MCF2L2: variants seen among roughly 807,000 people sequenced by gnomAD.
MCF2L2 encodes MCF.2 cell line derived transforming sequence-like 2.
In MCF2L2, 102 loss-of-function variants were observed where a neutral mutation model predicts 150.2. That is an observed-to-expected ratio of 0.68 (90% confidence interval 0.58 to 0.80). The LOEUF (loss-of-function observed/expected upper bound fraction) is 0.80. MCF2L2 is among the 30% of genes least tolerant of loss of function. MCF2L2 has a pLI of 0.00. For missense variants in MCF2L2, 1,256 were observed against 1,372.8 expected (o/e 0.91, Z 1.34); for synonymous variants, 465 against 491.3 (o/e 0.95, Z 0.71).
At chr3:183,240,352 C>T (rs1723963506) in intron 15 of MCF2L2, among the ~76,000 whole-genome samples, 1 of 152,186 alleles carries the variant, frequency 6.6e-6, no homozygotes, top group Non-Finnish European at 1.5e-5. Context: ...GCCTCAGCCT[C>T]CCCAGTAGCT....
chr3:183,336,050 C>T (rs1730465173), intron 5 of MCF2L2, among the ~76,000 whole-genome samples: 1 of 152,192 alleles, frequency 6.6e-6, no homozygotes, highest in Non-Finnish European at 1.5e-5. Flanking sequence ...TGATTGTGGA[C>T]TTCCCAACCT....
At chr3:183,419,733 C>T (rs1715781131) in intron 1 of MCF2L2, among the ~76,000 whole-genome samples, 2 of 152,112 alleles carry the variant, frequency 1.3e-5, no homozygotes, top group African/African-American at 4.8e-5. Flanking sequence ...ATTAGCCAGC[C>T]ATGGTGGCAT....
chr3:183,358,706 G>A (rs545929137), intron 3 of MCF2L2, among the ~76,000 whole-genome samples: 3 of 152,152 alleles, frequency 2.0e-5, no homozygotes, highest in East Asian at 1.9e-4. Flanking sequence ...CTGCAACCTC[G>A]AACTCCAGGG....
intron 14 of MCF2L2, among the ~76,000 whole-genome samples, chr3:183,278,764 A>C (rs754680158): frequency 1.3e-5 from 2 of 152,234 alleles, no homozygotes; most frequent in African/African-American, 4.8e-5. Flanking sequence ...GTCTTATTTC[A>C]TAATAACCTA....
intron 15 of MCF2L2, among the ~76,000 whole-genome samples, chr3:183,246,139 C>T (rs1242558827): frequency 6.6e-6 from 1 of 152,110 alleles, no homozygotes; most frequent in African/African-American, 2.4e-5. Flanking sequence ...GTTAATAATG[C>T]TTGCATTTGT....
rs1436282384 is a variant in MCF2L2, at chr3:183,216,124, C to A, written c.2371-30G>T. On this transcript the variant is annotated intron_variant, in intron 21 of 29. Transcript: ENST00000328913. Reference sequence around the variant, plus strand: ...GGAAAACAAATGCCTTGTTGGAAATCAAAAGTATACCATCTGCAAAGTGAA... The same window carrying A: ...GGAAAACAAATGCCTTGTTGGAAATAAAAAGTATACCATCTGCAAAGTGAA... The A allele has an allele frequency of 1.9e-6, 3 of 1,608,690 alleles. No homozygotes were observed. The African/African-American group carries it at 4.0e-5, about 22-fold the overall frequency.
At chr3:183,183,763 T>C (rs1721605172) in intron 27 of MCF2L2, among the ~76,000 whole-genome samples, 1 of 152,174 alleles carries the variant, frequency 6.6e-6, no homozygotes, top group Non-Finnish European at 1.5e-5. Context: ...ACAATAATAC[T>C]AAAGAGAGGG....
chr3:183,397,806 T>C (rs1433735581), intron 1 of MCF2L2, among the ~76,000 whole-genome samples: 1 of 152,180 alleles, frequency 6.6e-6, no homozygotes, highest in African/African-American at 2.4e-5. Context: ...TTAACACAAG[T>C]ACAAAATAAA....
chr3:183,221,241 C>T (rs534961206), intron 20 of MCF2L2, among the ~76,000 whole-genome samples: 5 of 152,282 alleles, frequency 3.3e-5, no homozygotes, highest in Admixed American at 2.6e-4. Context: ...ACAGACCCCC[C>T]GCAAAATATT....
chr3:183,272,442 AAG>A, intron 15 of MCF2L2: 1 of 1,000,222 alleles, frequency 1.0e-6, no homozygotes, highest in Non-Finnish European at 1.2e-6. Context: ...AAAACGAAAA[AAG>A]ATTTCTCAGT....
chr3:183,427,966 G>T lies in MCF2L2; in HGVS notation c.12C>A (p.Cys4Ter), dbSNP rs767891533. 27 of 1,613,400 alleles carry T rather than the reference G, an allele frequency of 1.7e-5. No individual in the cohort carries two copies. In the South Asian group the frequency reaches 2.6e-4, roughly 16 times the overall value. The change falls in exon 1 of 30, where the codon TGC (cysteine) becomes TGA (stop). Residue 4 changes from cysteine (C) to a stop codon, truncating the protein, a stop_gained. Transcript: ENST00000328913. LOFTEE classifies it high-confidence loss of function. MLS[C>*]LKEEMPPQEL... ...CCTGGGGAGGCATCTCTTCTTTTAA[G>T]CAAGACAGCATTTCACTGAAAAACC...
At chr3:183,264,509 T>A (rs575859491) in intron 15 of MCF2L2, among the ~76,000 whole-genome samples, 1 of 152,354 alleles carries the variant, frequency 6.6e-6, no homozygotes, top group Non-Finnish European at 1.5e-5. Context: ...TGTAAAATAC[T>A]TCTTCATGAT....
At chr3:183,331,414 C>G (rs1402229140) in intron 5 of MCF2L2, among the ~76,000 whole-genome samples, 1 of 152,210 alleles carries the variant, frequency 6.6e-6, no homozygotes, top group Non-Finnish European at 1.5e-5. Flanking sequence ...GCCCCACCAA[C>G]TTTACCATAC....
chr3:183,321,877 T>C (rs1729827767), intron 6 of MCF2L2, among the ~76,000 whole-genome samples: 1 of 152,236 alleles, frequency 6.6e-6, no homozygotes, highest in South Asian at 2.1e-4. Flanking sequence ...CAGAAATTGA[T>C]TTCTCACAGT....
At chr3:183,201,242 T>C (rs1722269784) in intron 25 of MCF2L2, among the ~76,000 whole-genome samples, 1 of 152,240 alleles carries the variant, frequency 6.6e-6, no homozygotes, top group Non-Finnish European at 1.5e-5. Context: ...ACGATATTGA[T>C]TCTTCCTATC....
rs60835895 is a variant in MCF2L2, at chr3:183,269,230, C to CTTTTTTTTTTTTTTTTTTTTTTTTT, written c.1862+7641_1862+7642insAAAAAAAAAAAAAAAAAAAAAAAAA. Reference sequence around the variant, plus strand: ...TACACGATTATAGCCGTTTGGGAAGCTTTTTTTTTTTTTTTTTTAAGAGTA... The same window carrying CTTTTTTTTTTTTTTTTTTTTTTTTT: ...TACACGATTATAGCCGTTTGGGAAGCTTTTTTTTTTTTTTTTTTTTTTTTTTTTTTTTTTTTTTTTTTTAAGAGTA... On this transcript the variant is annotated intron_variant, in intron 15 of 29. Coordinates refer to ENST00000328913, the MANE Select transcript of MCF2L2 (RefSeq NM_015078.4). Among the ~76,000 whole-genome samples the CTTTTTTTTTTTTTTTTTTTTTTTTT allele has an allele frequency of 9.8e-4, 79 of 80,988 alleles. 14 individuals are homozygous for CTTTTTTTTTTTTTTTTTTTTTTTTT. Among genetic ancestry groups the CTTTTTTTTTTTTTTTTTTTTTTTTT allele is most frequent in the African/African-American group, 4.6e-3 (72 of 15,746 alleles). 53.1% of individuals were successfully genotyped at this position (80,988 alleles called of 152,430 possible).
At chr3:183,386,348 A>C (rs140521017) in intron 2 of MCF2L2, among the ~76,000 whole-genome samples, 1 of 152,220 alleles carries the variant, frequency 6.6e-6, no homozygotes, top group East Asian at 1.9e-4. Context: ...CGTCAGAGCT[A>C]CCAGAGGCCC....
At chr3:183,246,428 G>A (rs1405556925) in intron 15 of MCF2L2, among the ~76,000 whole-genome samples, 2 of 152,134 alleles carry the variant, frequency 1.3e-5, no homozygotes, top group Non-Finnish European at 2.9e-5. Context: ...CATATAAGTG[G>A]AATCATACAA....
rs1217771144 is a variant in MCF2L2 at position 183,179,995 on chromosome 3, T to G, written c.3105+76A>C. ...TGAGGAGGGGGAGAGGGATGGAGGC[T>G]AGGGACAGGAGGCAGGAGGAGCTGA... On this transcript the variant is annotated intron_variant, in intron 28 of 29. Transcript: ENST00000328913. This position sits in a 1 kb window ranked among gnomAD's most constrained non-coding sequence, Gnocchi z 4.2. 2 of 1,178,296 alleles carry G rather than the reference T, an allele frequency of 1.7e-6. No individual in the cohort carries two copies. The highest frequency in any genetic ancestry group is 1.3e-5 in the South Asian group (1 of 77,560). 73.0% of individuals were successfully genotyped at this position (1,178,296 alleles called of 1,614,324 possible).
Sources: gnomAD v4.1 joint callset for allele counts (sites outside exome capture counted in the v4.1 genomes callset) on GRCh38, gnomAD v4.1.1 for gene constraint, Gnocchi (gnomAD v3.1) non-coding constraint, MANE v1.5 for transcripts, NCBI Gene and HGNC (gene_info 2026-07-23, HGNC 2026-07-21) for gene names.